Variants in UBAC2 observed in about 807,000 individuals in gnomAD.
UBAC2 encodes the protein UBA domain containing 2, also known as ubiquitin-associated domain-containing protein 2.
In UBAC2, 26 loss-of-function variants were observed where a neutral mutation model predicts 44.0. The observed-to-expected ratio is 0.59, with a 90% CI of 0.43 to 0.82. The LOEUF (loss-of-function observed/expected upper bound fraction) is 0.82, where lower values mean the gene tolerates loss of function less well. Among genes scored for constraint, UBAC2 ranks in the 40% least tolerant of loss-of-function variants. The probability of loss-of-function intolerance (pLI) is 0.00; values close to 1 mark genes in which losing one functional copy is unlikely to be tolerated. For synonymous variants in UBAC2, 155 were observed against 154.3 expected (o/e 1.00, Z -0.04); for missense variants, 329 against 419.4 (o/e 0.78, Z 1.88).
intron 7 of UBAC2, chr13:99,351,856 T>G (rs181837759): frequency 5.9e-5 from 26 of 440,478 alleles, no homozygotes; most frequent in African/African-American, 5.1e-4. Flanking sequence ...TGTTAACTGG[T>G]TGATTATCAC....
At chr13:99,334,626 CA>C (rs1335161826) in intron 6 of UBAC2, among the ~76,000 whole-genome samples, 1 of 151,472 alleles carries the variant, frequency 6.6e-6, no homozygotes, top group African/African-American at 2.4e-5. Flanking sequence ...ACCTCTAGGG[CA>C]AATATGAGGG....
Position 99,295,067 on chromosome 13 carries a change from C to A in UBAC2, c.390-19030C>A. The A allele has an allele frequency of 6.2e-7, 1 of 1,612,706 alleles. No individual in the cohort carries two copies. On this transcript the variant is annotated intron_variant, in intron 4 of 8. Coordinates refer to ENST00000403766, the MANE Select transcript of UBAC2 (RefSeq NM_001144072.2). This position sits in a 1 kb window ranked among gnomAD's most constrained non-coding sequence, Gnocchi z 4.1. ...ACCAAAATACAATCCATTTCACTTTCCATTTGAAGACTTGGAATGTATCAT... is the reference window on the plus strand; with the variant it reads ...ACCAAAATACAATCCATTTCACTTTACATTTGAAGACTTGGAATGTATCAT...
chr13:99,243,773 G>A lies in UBAC2; in HGVS notation c.160-59G>A, dbSNP rs994464836. The A allele has an allele frequency of 4.0e-6, 6 of 1,507,320 alleles. No individual in the cohort carries two copies. The Admixed American group carries it at 1.1e-4, about 27-fold the overall frequency. 93.4% of individuals were successfully genotyped at this position (1,507,320 alleles called of 1,614,324 possible). A position where few individuals can be genotyped will look rare whatever the true frequency, so the allele number is the denominator to read the frequency against. On this transcript the variant is annotated intron_variant, in intron 2 of 8. Transcript: ENST00000403766. ...AGTGTAAACATAACAAATTTGCTAA[G>A]GAAGAGACCCGAACAAATTTTACTC...
intron 4 of UBAC2, among the ~76,000 whole-genome samples, chr13:99,267,683 A>G (rs1205127619): frequency 6.6e-6 from 1 of 152,228 alleles, no homozygotes; most frequent in Non-Finnish European, 1.5e-5. Context: ...GTCATTTGAA[A>G]TTGAAAGAGT....
chr13:99,209,848 C>T (rs1378562051), intron 1 of UBAC2, among the ~76,000 whole-genome samples: 1 of 152,140 alleles, frequency 6.6e-6, no homozygotes, highest in African/African-American at 2.4e-5. Context: ...TGGTTGGCGC[C>T]TGTAATCCCA....
intron 8 of UBAC2, among the ~76,000 whole-genome samples, chr13:99,368,262 T>C (rs536341573): frequency 3.9e-5 from 6 of 152,290 alleles, no homozygotes; most frequent in African/African-American, 1.4e-4. Context: ...GGTTTCACTT[T>C]TGTATGGTTT....
At chr13:99,294,925 A>G in intron 4 of UBAC2, 1 of 911,526 alleles carries the variant, frequency 1.1e-6, no homozygotes, top group Non-Finnish European at 1.6e-6. Context: ...TCCGAGTTGG[A>G]GATGGGAAAG....
intron 7 of UBAC2, among the ~76,000 whole-genome samples, chr13:99,362,009 A>C (rs543554295): frequency 2.0e-4 from 30 of 151,796 alleles, no homozygotes; most frequent in African/African-American, 6.3e-4. Context: ...CCTCATCCCC[A>C]AAAAAAGTTA....
chr13:99,346,540 GT>G (rs2044984055), intron 7 of UBAC2, among the ~76,000 whole-genome samples: 1 of 152,182 alleles, frequency 6.6e-6, no homozygotes, highest in Non-Finnish European at 1.5e-5. Flanking sequence ...TGCTCATATT[GT>G]TTCACGCAGT....
At chr13:99,380,184 C>T (rs1166702287) in intron 8 of UBAC2, among the ~76,000 whole-genome samples, 1 of 152,202 alleles carries the variant, frequency 6.6e-6, no homozygotes, top group African/African-American at 2.4e-5. Flanking sequence ...CAAAAAGTTT[C>T]AAATTCTGGA....
At chr13:99,239,478 A>C (rs557534956) in intron 2 of UBAC2, among the ~76,000 whole-genome samples, 5 of 152,374 alleles carry the variant, frequency 3.3e-5, no homozygotes, top group African/African-American at 1.2e-4. Flanking sequence ...CAACTGAGTC[A>C]CAGAGTCTGG....
chr13:99,334,853 A>G (rs1253909325), intron 6 of UBAC2, among the ~76,000 whole-genome samples: 2 of 152,138 alleles, frequency 1.3e-5, no homozygotes, highest in East Asian at 3.8e-4. Flanking sequence ...AATTTAAAAG[A>G]AAAAAAATTG....
chr13:99,363,300 G>C (rs1449576826), intron 7 of UBAC2, among the ~76,000 whole-genome samples: 1 of 152,154 alleles, frequency 6.6e-6, no homozygotes, highest in Non-Finnish European at 1.5e-5. Context: ...CTTCAAAATA[G>C]TCATGCCTAG....
At chr13:99,241,909 G>A (rs1309349527) in intron 2 of UBAC2, among the ~76,000 whole-genome samples, 1 of 149,066 alleles carries the variant, frequency 6.7e-6, no homozygotes, top group Non-Finnish European at 1.5e-5. Flanking sequence ...TGTGTCCCTG[G>A]GTACTTGAGA....
In UBAC2 at chr13:99,232,397, GAGATAT is replaced by G. The variant is rs1309420703; in HGVS notation, c.32-6022_32-6017del. On this transcript the variant is annotated intron_variant, in intron 1 of 8. Transcript: ENST00000403766. ...CAAGACCCTGTCCATCCTTAGTTGAGAGATATAGATATATATATATATATTCACACA... is the reference window on the plus strand; with the variant it reads ...CAAGACCCTGTCCATCCTTAGTTGAGAGATATATATATATATATTCACACA... Among the ~76,000 whole-genome samples the G allele has an allele frequency of 3.5e-4, 29 of 82,338 alleles. 2 individuals carry two copies. In the East Asian group the frequency reaches 9.2e-3, roughly 26 times the overall value. 54.0% of individuals were successfully genotyped at this position (82,338 alleles called of 152,430 possible).
intron 1 of UBAC2, among the ~76,000 whole-genome samples, chr13:99,236,039 A>G (rs1364667449): frequency 6.6e-6 from 1 of 152,224 alleles, no homozygotes; most frequent in Non-Finnish European, 1.5e-5. Flanking sequence ...TTCTTACTAT[A>G]CATAAAAATC....
At chr13:99,350,507 G>A (rs1427919089) in intron 7 of UBAC2, among the ~76,000 whole-genome samples, 1 of 152,214 alleles carries the variant, frequency 6.6e-6, no homozygotes, top group Non-Finnish European at 1.5e-5. Context: ...ACCCCCAAAG[G>A]ACAGGGTTTA....
intron 2 of UBAC2, among the ~76,000 whole-genome samples, chr13:99,239,641 C>G (rs976364546): frequency 2.0e-5 from 3 of 152,250 alleles, no homozygotes; most frequent in Non-Finnish European, 2.9e-5. Flanking sequence ...TTGGCTAAGC[C>G]CACTCTGTGG....
chr13:99,210,067 C>A (rs964123893), intron 1 of UBAC2, among the ~76,000 whole-genome samples: 1 of 152,112 alleles, frequency 6.6e-6, no homozygotes, highest in Non-Finnish European at 1.5e-5. Context: ...GAAAATGTTT[C>A]TTTTCATCGT....
Sources: allele counts gnomAD v4.1 joint callset (sites outside exome capture counted in the v4.1 genomes callset), GRCh38; gene constraint gnomAD v4.1.1; non-coding constraint Gnocchi (gnomAD v3.1); transcripts MANE v1.5; gene names NCBI Gene and HGNC (gene_info 2026-07-23, HGNC 2026-07-21).